ATM: variants seen among roughly 807,000 people sequenced by gnomAD.
ATM encodes serine-protein kinase ATM.
Under a neutral mutation model 387.0 loss-of-function variants are expected in ATM, and 308 were observed. The observed-to-expected ratio is 0.80, with a 90% confidence interval of 0.73 to 0.87. The LOEUF (loss-of-function observed/expected upper bound fraction) is 0.87, where lower values mean the gene tolerates loss of function less well. Among genes scored for constraint, ATM ranks in the 40% least tolerant of loss-of-function variants. The probability of loss-of-function intolerance (pLI) is 0.00; values close to 1 mark genes in which losing one functional copy is unlikely to be tolerated. For missense variants in ATM, 3,312 were observed against 3,560.9 expected, an observed-to-expected ratio of 0.93 and a Z score of 1.78; for synonymous variants, 1,156 against 1,187.3, an observed-to-expected ratio of 0.97 and a Z score of 0.54.
Position 108,250,881 on chromosome 11 carries a change from A to G in ATM, c.1416A>G (p.Leu472=), listed in dbSNP as rs786201691. 9 of 1,614,172 alleles carry G rather than the reference A, an allele frequency of 5.6e-6. No homozygotes were observed. Among genetic ancestry groups the G allele is most frequent in the Non-Finnish European group, 7.6e-6 (9 of 1,180,024 alleles). Residue 472 remains leucine (L), a synonymous_variant, in exon 10 of 63, where the codon CTA becomes CTG. Coordinates refer to ENST00000675843, the MANE Select transcript of ATM (RefSeq NM_000051.4). ...TGTGTCAAGACAAGAGGTCAAACCT[A>G]GAAAGCTCACAAAAGTCAGATTTAT... is the stretch of plus-strand genomic sequence containing the variant. ...VALCQDKRSN[L]ESSQKSDLLK... is the part of the protein sequence containing the mutation.
chr11:108,361,828 C>G (rs961305539), intron 61 of ATM, among the ~76,000 whole-genome samples: 1 of 152,004 alleles, frequency 6.6e-6, no homozygotes, highest in Non-Finnish European at 1.5e-5. Flanking sequence ...AACGTTAGAC[C>G]TAATACCATA....
At chr11:108,294,816 A>G (rs1591683799) in intron 31 of ATM, 111 bp from the exon 32 acceptor site, 2 of 1,131,520 alleles carry the variant, frequency 1.8e-6, no homozygotes, top group East Asian at 4.8e-5. Flanking sequence ...AGTAATAGAG[A>G]CATGAGTCAG....
chr11:108,304,590 A>G (rs1444531736), intron 36 of ATM, 85 bp from the exon 37 acceptor site: 11 of 1,301,250 alleles, frequency 8.5e-6, no homozygotes, highest in Admixed American at 5.7e-5. Context: ...TAATATGTCA[A>G]CGGGGCATGA....
intron 52 of ATM, among the ~76,000 whole-genome samples, chr11:108,332,430 C>G (rs184097514): frequency 2.0e-5 from 3 of 151,414 alleles, no homozygotes; most frequent in Admixed American, 2.0e-4. Flanking sequence ...GAAACTCTGT[C>G]TCAAATTAAT....
rs749339972 is a variant in ATM, at chr11:108,252,059, G to GT, written c.1802+36dup. 3.8e-5 allele frequency: 60 copies of GT among 1,592,386 alleles called. 1 individual carries two copies. Among genetic ancestry groups the GT allele is most frequent in the African/African-American group, 1.2e-4 (9 of 74,504 alleles). On this transcript the variant is annotated intron_variant, in intron 11 of 62. Coordinates refer to ENST00000675843, the MANE Select transcript of ATM (RefSeq NM_000051.4). ...AATTTAAGTTCATTAGCATGCTGCTGTTTTTTTTGTTTGTTTTATCAGGCT... is the reference window on the plus strand; with the variant it reads ...AATTTAAGTTCATTAGCATGCTGCTGTTTTTTTTTGTTTGTTTTATCAGGCT...
In ATM at chr11:108,367,352, G is replaced by T. The variant is rs990391005; in HGVS notation, c.*1844G>T. ...TGTAAGTTCTGCTATGTATTTAAAA[G>T]AATGTTTTCTACATTTTATCCAGCA... On this transcript the variant is annotated 3_prime_UTR_variant, in exon 63 of 63. Coordinates refer to ENST00000675843, the MANE Select transcript of ATM (RefSeq NM_000051.4). The T allele has an allele frequency of 1.7e-4, 32 of 187,232 alleles. No individual in the cohort carries two copies. The highest frequency in any genetic ancestry group is 3.3e-4 in the Non-Finnish European group (29 of 88,752). 11.6% of individuals were successfully genotyped at this position (187,232 alleles called of 1,614,324 possible).
chr11:108,254,674 A>G (rs2080363292), intron 13 of ATM, among the ~76,000 whole-genome samples: 1 of 152,148 alleles, frequency 6.6e-6, no homozygotes. Flanking sequence ...TATTTTTGAG[A>G]CAGAGCCTCG....
Position 108,341,843 on chromosome 11 carries a change from G to A in ATM, c.8269-1379G>A, listed in dbSNP as rs569247391. On this transcript the variant is annotated intron_variant, in intron 56 of 62. Transcript: ENST00000675843. ...AAAGCCTGACAATATTAAGTATTGC[G>A]AAAGTTATGGAATAACTCTACTGGT... Among the ~76,000 whole-genome samples, 43 of 152,264 alleles carry A rather than the reference G, an allele frequency of 2.8e-4. No homozygotes were observed. The South Asian group carries it at 7.0e-3, about 25-fold the overall frequency.
At chr11:108,322,187 C>T (rs905715238) in intron 45 of ATM, among the ~76,000 whole-genome samples, 5 of 152,058 alleles carry the variant, frequency 3.3e-5, no homozygotes, top group African/African-American at 1.2e-4. Context: ...CCAAGTCTCG[C>T]TCTGTTGCCC....
intron 16 of ATM, among the ~76,000 whole-genome samples, chr11:108,261,267 C>T (rs991233198): frequency 3.3e-5 from 5 of 152,198 alleles, no homozygotes; most frequent in Non-Finnish European, 4.4e-5. Flanking sequence ...GTGGTTCTCC[C>T]AGCACACAGC....
At chr11:108,280,876 T>C (rs762398046) in intron 23 of ATM, 119 bp from the exon 24 acceptor site, 84 of 838,920 alleles carry the variant, frequency 1.0e-4, no homozygotes, top group Admixed American at 1.5e-4. Flanking sequence ...GATTAGTGAG[T>C]AGGAGGTTTC....
At chr11:108,362,052 GA>G (rs2090830548) in intron 61 of ATM, among the ~76,000 whole-genome samples, 1 of 133,730 alleles carries the variant, frequency 7.5e-6, no homozygotes, top group Non-Finnish European at 1.6e-5. Flanking sequence ...CTACTCATCT[GA>G]CAAAGGGCTA....
chr11:108,263,374 C>T (rs1250108602), intron 16 of ATM, among the ~76,000 whole-genome samples: 24 of 142,714 alleles, frequency 1.7e-4, no homozygotes, highest in Middle Eastern at 3.3e-3. Flanking sequence ...ACAACCTGCT[C>T]CTGAATGACT....
chr11:108,330,913 A>G (rs1039947870), intron 50 of ATM, among the ~76,000 whole-genome samples: 1 of 152,212 alleles, frequency 6.6e-6, no homozygotes, highest in Non-Finnish European at 1.5e-5. Flanking sequence ...TGAAAACCTT[A>G]GATTATAGTG....
intron 16 of ATM, among the ~76,000 whole-genome samples, chr11:108,266,533 C>A (rs1324636943): frequency 6.7e-6 from 1 of 149,682 alleles, no homozygotes; most frequent in East Asian, 2.0e-4. Flanking sequence ...ATACCTAATG[C>A]TAGATGACGA....
intron 57 of ATM, among the ~76,000 whole-genome samples, 190 bp from the exon 58 acceptor site, chr11:108,345,553 T>G (rs2137015139): frequency 6.6e-6 from 1 of 152,284 alleles, no homozygotes; most frequent in East Asian, 1.9e-4. Flanking sequence ...CAACAATTAA[T>G]ATGGAAATCC....
rs1555095974 is a variant in ATM at position 108,287,668 on chromosome 11, A to T, written c.4062A>T (p.Pro1354=). 6.2e-7 allele frequency: 1 copy of T among 1,613,920 alleles called. No homozygotes were observed. Among genetic ancestry groups the T allele is most frequent in the South Asian group, 1.1e-5 (1 of 91,050 alleles). The change falls in exon 27 of 63, where the codon CCA becomes CCT. Residue 1354 remains proline (P), a synonymous_variant. Transcript: ENST00000675843. ...VVELLMTLHE[P]ANSSASQSTD... ...AGTTATTGATGACGTTACATGAGCC[A>T]GCAAATTCTAGTGCCAGTCAGAGCA... is the stretch of plus-strand genomic sequence containing the variant.
rs768737262 is a variant in ATM at position 108,315,920 on chromosome 11, C to G, written c.6095+9C>G. On this transcript the variant is annotated intron_variant, in intron 41 of 62. Coordinates refer to ENST00000675843, the MANE Select transcript of ATM (RefSeq NM_000051.4). The stretch of plus-strand genomic sequence containing the variant: ...TTACAACCCATTACTAGGTAAATTG[C>G]ATTTTTCTAAACAACGGTATAGTAA... 1.2e-6 allele frequency: 2 copies of G among 1,609,518 alleles called. No individual in the cohort carries two copies. The highest frequency in any genetic ancestry group is 1.7e-6 in the Non-Finnish European group (2 of 1,175,854).
chr11:108,341,682 C>T (rs901176890), intron 56 of ATM, among the ~76,000 whole-genome samples: 1 of 151,770 alleles, frequency 6.6e-6, no homozygotes, highest in Non-Finnish European at 1.5e-5. Flanking sequence ...TTAATTAGAA[C>T]AAAAAGGATC....
Sources: gnomAD v4.1 joint callset for allele counts (sites outside exome capture counted in the v4.1 genomes callset) on GRCh38, gnomAD v4.1.1 for gene constraint, MANE v1.5 for transcripts, NCBI Gene and HGNC (gene_info 2026-07-23, HGNC 2026-07-21) for gene names.